The following NPAS3 variants were observed in gnomAD, a reference collection of about 807,000 sequenced individuals.
NPAS3 encodes the protein neuronal PAS domain protein 3.
A neutral mutation model predicts 73.1 loss-of-function variants in NPAS3; 14 were observed. The observed-to-expected ratio is 0.19, with a 90% CI of 0.13 to 0.30. NPAS3 has a LOEUF of 0.30. Among genes scored for constraint, NPAS3 ranks in the 10% least tolerant of loss-of-function variants. The pLI, the probability that NPAS3 is intolerant of heterozygous loss-of-function variation, is 1.00. For synonymous variants in NPAS3, 620 were observed against 541.5 expected (o/e 1.14, Z -2.01); for missense variants, 1,096 against 1,250.0 (o/e 0.88, Z 1.86).
intron 5 of NPAS3, among the ~76,000 whole-genome samples, chr14:33,563,157 A>G (rs1777632391): frequency 3.3e-5 from 5 of 152,184 alleles, no homozygotes; most frequent in Admixed American, 3.3e-4. Context: ...CTATGTCTGT[A>G]TTGCTAACTC....
intron 5 of NPAS3, among the ~76,000 whole-genome samples, chr14:33,567,117 C>T (rs1810798558): frequency 6.6e-6 from 1 of 152,168 alleles, no homozygotes; most frequent in African/African-American, 2.4e-5. Flanking sequence ...CACAGCTTGT[C>T]GTTGATAATT....
chr14:33,402,695 CTG>C (rs1392866490), intron 4 of NPAS3, among the ~76,000 whole-genome samples: 3 of 152,190 alleles, frequency 2.0e-5, no homozygotes, highest in African/African-American at 7.2e-5. Flanking sequence ...TTTCACAACT[CTG>C]TCATCACCCT....
intron 3 of NPAS3, among the ~76,000 whole-genome samples, chr14:33,348,595 A>T (rs569733951): frequency 1.8e-4 from 28 of 152,138 alleles, no homozygotes; most frequent in Non-Finnish European, 2.8e-4. Flanking sequence ...TTGAAAATGT[A>T]TCCAGTTTTG....
intron 3 of NPAS3, among the ~76,000 whole-genome samples, chr14:33,353,961 C>T (rs1258791289): frequency 6.6e-6 from 1 of 151,934 alleles, no homozygotes; most frequent in Non-Finnish European, 1.5e-5. Context: ...GGCTGAGATC[C>T]CTATTGTAGT....
intron 1 of NPAS3, among the ~76,000 whole-genome samples, chr14:32,971,776 ATGGTC>A (rs2037435318): frequency 6.6e-6 from 1 of 152,086 alleles, no homozygotes; most frequent in African/African-American, 2.4e-5. Context: ...ATCCATAATC[ATGGTC>A]TCCAAACGGT....
At chr14:33,475,182 A>G (rs1186662519) in intron 4 of NPAS3, among the ~76,000 whole-genome samples, 1 of 152,220 alleles carries the variant, frequency 6.6e-6, no homozygotes, top group African/African-American at 2.4e-5. Context: ...TAAGCTCTGA[A>G]TAAATAAAAC....
At chr14:33,098,956 A>G (rs1293533782) in intron 2 of NPAS3, among the ~76,000 whole-genome samples, 2 of 152,190 alleles carry the variant, frequency 1.3e-5, no homozygotes, top group African/African-American at 4.8e-5. Flanking sequence ...GGGCTTTTGG[A>G]AATGGAAACT....
intron 3 of NPAS3, among the ~76,000 whole-genome samples, chr14:33,265,245 T>A (rs2049126696): frequency 6.6e-6 from 1 of 152,202 alleles, no homozygotes; most frequent in Non-Finnish European, 1.5e-5. Flanking sequence ...CACTTCGGAC[T>A]TCTGAAACTC....
chr14:33,794,091 G>A, intron 10 of NPAS3, 47 bp downstream of exon 10: 1 of 1,546,802 alleles, frequency 6.5e-7, no homozygotes, highest in African/African-American at 1.4e-5. Flanking sequence ...TATAAAATAT[G>A]CCATATAAAA....
intron 7 of NPAS3, among the ~76,000 whole-genome samples, chr14:33,740,842 A>G (rs1474612472): frequency 1.3e-5 from 2 of 151,990 alleles, no homozygotes; most frequent in African/African-American, 4.8e-5. Flanking sequence ...TTTTTTTCTG[A>G]ATATAAACAT....
intron 2 of NPAS3, among the ~76,000 whole-genome samples, chr14:33,171,856 G>C (rs1038067390): frequency 3.9e-5 from 6 of 152,112 alleles, no homozygotes; most frequent in Non-Finnish European, 5.9e-5. Context: ...TCTAGCTTTT[G>C]ATTTAAAGTG....
rs541642349 is a variant in NPAS3, at chr14:32,990,945, A to T, written c.50+51579A>T. Among the ~76,000 whole-genome samples, 6 of 150,806 alleles carry T rather than the reference A, an allele frequency of 4.0e-5. No homozygotes were observed. The East Asian group carries it at 9.7e-4, about 24-fold the overall frequency. Reference sequence around the variant, plus strand: ...CTCAAAAACAAAAACAAAAACAAAAAAAAACAAGCCACTGATTGGAGGATT... The same window carrying T: ...CTCAAAAACAAAAACAAAAACAAAATAAAACAAGCCACTGATTGGAGGATT... On this transcript the variant is annotated intron_variant, in intron 1 of 11. Coordinates refer to ENST00000356141, the Ensembl canonical transcript of NPAS3.
chr14:33,800,519 G>T lies in NPAS3; in HGVS notation c.2212G>T (p.Ala738Ser). Residue 738 changes from alanine to serine, a missense_variant, in exon 12 of 12, where the codon GCC (alanine) becomes TCC (serine). Around this residue, in one of 5 missense-constraint regions of NPAS3, gnomAD observed 698 missense variants for 676.7 expected, o/e 1.03. Transcript: ENST00000356141. This position sits in a 1 kb window ranked among gnomAD's most constrained non-coding sequence, Gnocchi z 6.5. ...TCAGTTCGGCGCCTCGGCCACCGCG[G>T]CCCTGGCCCCCGTCGCCTCCGACCC... The T allele has an allele frequency of 1.4e-6, 2 of 1,392,102 alleles. No homozygotes were observed. Among genetic ancestry groups the T allele is most frequent in the Non-Finnish European group, 1.9e-6 (2 of 1,080,228 alleles). 86.2% of individuals were successfully genotyped at this position (1,392,102 alleles called of 1,614,324 possible). A position where few individuals can be genotyped will look rare whatever the true frequency, so the allele number is the denominator to read the frequency against.
intron 3 of NPAS3, among the ~76,000 whole-genome samples, chr14:33,304,231 G>T (rs2042669607): frequency 6.6e-6 from 1 of 152,284 alleles, no homozygotes; most frequent in African/African-American, 2.4e-5. Flanking sequence ...GGAACTTGAA[G>T]TTGAACTATT....
intron 4 of NPAS3, among the ~76,000 whole-genome samples, chr14:33,545,866 GT>G (rs2054819962): frequency 6.6e-6 from 1 of 152,188 alleles, no homozygotes; most frequent in Non-Finnish European, 1.5e-5. Flanking sequence ...GCCTCTGGCA[GT>G]GTATCTCCCT....
At position 33,232,977 on chromosome 14, in the gene NPAS3, T is replaced by C. The variant is rs546102521; in HGVS notation, c.385+17551T>C. 3.3e-5 allele frequency among the ~76,000 whole-genome samples: 5 copies of C among 152,320 alleles called. No individual in the cohort carries two copies. In the South Asian group the frequency reaches 1.0e-3, roughly 32 times the overall value. On this transcript the variant is annotated intron_variant, in intron 3 of 11. Coordinates refer to ENST00000356141, the Ensembl canonical transcript of NPAS3. ...CATTGTAGGCCACTTATACCCCATA[T>C]GTATAACAAACCTTACATCCAAATC...
chr14:33,317,651 TCTC>T (rs568342642), intron 3 of NPAS3, among the ~76,000 whole-genome samples: 1 of 152,152 alleles, frequency 6.6e-6, no homozygotes, highest in Non-Finnish European at 1.5e-5. Context: ...GCTTGGCACT[TCTC>T]CTTCCTGCCA....
In NPAS3 at chr14:33,590,883, A is replaced by G. The variant is rs79596846; in HGVS notation, c.558+30673A>G. Among the ~76,000 whole-genome samples, 2,421 of 152,204 alleles carry G rather than the reference A, an allele frequency of 0.016. 114 individuals are homozygous for G. In the East Asian group the frequency reaches 0.19, roughly 12 times the overall value. ...TTCCAAAAAGATTTATTAAGCACCT[A>G]CTATTGTCCAGGCACTGTACTAGCA... On this transcript the variant is annotated intron_variant, in intron 5 of 11. Coordinates refer to ENST00000356141, the Ensembl canonical transcript of NPAS3.
upstream of NPAS3, among the ~76,000 whole-genome samples, chr14:32,936,739 C>G (rs965405414): frequency 6.6e-6 from 1 of 152,128 alleles, no homozygotes; most frequent in African/African-American, 2.4e-5. Context: ...CAGGTTTGCT[C>G]TGAGTGTTGT....
Sources: allele counts gnomAD v4.1 joint callset (sites outside exome capture counted in the v4.1 genomes callset), GRCh38; gene constraint gnomAD v4.1.1; regional missense constraint gnomAD v4.1.1; non-coding constraint Gnocchi (gnomAD v3.1); transcripts MANE v1.5; gene names NCBI Gene and HGNC (gene_info 2026-07-23, HGNC 2026-07-21).